The following LRMDA variants were observed in gnomAD, a reference collection of about 807,000 sequenced individuals.
The protein encoded by LRMDA is leucine rich melanocyte differentiation associated, also known as leucine-rich melanocyte differentiation-associated protein.
A neutral mutation model predicts 29.8 loss-of-function variants in LRMDA; 18 were observed. The observed-to-expected ratio is 0.60, with a 90% confidence interval of 0.42 to 0.90. LRMDA has a LOEUF of 0.90. Ranked by LOEUF, LRMDA falls within the 40% of genes least tolerant of loss-of-function variation. LRMDA has a pLI of 0.00. For missense variants in LRMDA, 273 were observed against 273.9 expected (o/e 1.00, Z 0.02); for synonymous variants, 125 against 109.4 (o/e 1.14, Z -0.89).
chr10:76,154,151 G>C (rs1177599058), intron 5 of LRMDA, among the ~76,000 whole-genome samples: 2 of 152,070 alleles, frequency 1.3e-5, no homozygotes, highest in Admixed American at 1.3e-4. Context: ...TTGATCATTG[G>C]ATTTGGCCAT....
At chr10:75,678,919 A>G (rs1841992482) in intron 2 of LRMDA, among the ~76,000 whole-genome samples, 1 of 152,184 alleles carries the variant, frequency 6.6e-6, no homozygotes, top group Non-Finnish European at 1.5e-5. Context: ...ACTGGAAATT[A>G]AACGGGCAGG....
chr10:75,511,737 C>A (rs1050390968), intron 2 of LRMDA, among the ~76,000 whole-genome samples: 1 of 152,230 alleles, frequency 6.6e-6, no homozygotes, highest in Non-Finnish European at 1.5e-5. Context: ...GCTCAAGACA[C>A]TTGGACTGTT....
intron 2 of LRMDA, among the ~76,000 whole-genome samples, chr10:75,732,252 G>A (rs74433057): frequency 0.012 from 1,804 of 152,204 alleles, 21 homozygotes; most frequent in African/African-American, 0.041. Flanking sequence ...TAACGACTGG[G>A]TATGCTTACA....
intron 2 of LRMDA, among the ~76,000 whole-genome samples, chr10:75,628,779 G>C (rs536867598): frequency 6.6e-6 from 1 of 152,174 alleles, no homozygotes; most frequent in Admixed American, 6.5e-5. Context: ...TAGAACTGCT[G>C]TGTCTCCTCA....
At chr10:76,283,212 A>G (rs1185796210) in intron 5 of LRMDA, among the ~76,000 whole-genome samples, 1 of 152,192 alleles carries the variant, frequency 6.6e-6, no homozygotes, top group East Asian at 1.9e-4. Flanking sequence ...TTGATTATCT[A>G]CTGTGGCCAC....
chr10:75,743,435 T>G (rs1315600640), intron 2 of LRMDA: 1 of 152,280 alleles, frequency 6.6e-6, no homozygotes, highest in Non-Finnish European at 1.5e-5. Flanking sequence ...TTTCGTCTGG[T>G]AACTCCTAAG....
At chr10:76,315,145 C>T (rs1220380982) in intron 5 of LRMDA, among the ~76,000 whole-genome samples, 4 of 152,240 alleles carry the variant, frequency 2.6e-5, no homozygotes, top group Non-Finnish European at 5.9e-5. Flanking sequence ...TATAACCTCT[C>T]TCTAAATCTC....
At chr10:75,859,762 A>G (rs1465636781) in intron 2 of LRMDA, among the ~76,000 whole-genome samples, 2 of 152,146 alleles carry the variant, frequency 1.3e-5, no homozygotes, top group Non-Finnish European at 2.9e-5. Context: ...TGTCAAATAA[A>G]CAGGTCTTCT....
intron 2 of LRMDA, among the ~76,000 whole-genome samples, chr10:75,659,817 CT>C (rs978362389): frequency 5.3e-5 from 8 of 152,210 alleles, no homozygotes; most frequent in African/African-American, 1.4e-4. Flanking sequence ...TAATCTGTCA[CT>C]TCCTTTCTTT....
intron 2 of LRMDA, among the ~76,000 whole-genome samples, chr10:75,692,209 A>G (rs557876163): frequency 0.033 from 1,259 of 37,632 alleles, 8 homozygotes; most frequent in South Asian, 0.043. Context: ...CTCTGGGGGG[A>G]AAAAAAAAAA....
chr10:76,113,096 G>A (rs1346651276), intron 5 of LRMDA, among the ~76,000 whole-genome samples: 3 of 152,276 alleles, frequency 2.0e-5, no homozygotes, highest in African/African-American at 7.2e-5. Context: ...GCATCAGTGG[G>A]GAGAGGAGTG....
At chr10:75,529,454 A>G (rs548355035) in intron 2 of LRMDA, among the ~76,000 whole-genome samples, 33 of 152,320 alleles carry the variant, frequency 2.2e-4, no homozygotes, top group Admixed American at 5.2e-4. Context: ...CTACTGGAGG[A>G]GGAGTTCAGT....
intron 6 of LRMDA, among the ~76,000 whole-genome samples, chr10:76,426,233 T>C (rs1201242183): frequency 1.3e-5 from 2 of 152,212 alleles, no homozygotes. Flanking sequence ...TTTAAAGTGT[T>C]CCTATTTCTC....
chr10:76,007,234 C>G (rs1394403279), intron 2 of LRMDA, among the ~76,000 whole-genome samples: 2 of 152,000 alleles, frequency 1.3e-5, no homozygotes, highest in Non-Finnish European at 2.9e-5. Flanking sequence ...CATTCACCCG[C>G]CTCCTTGTCA....
chr10:76,243,882 T>C (rs955818009), intron 5 of LRMDA, among the ~76,000 whole-genome samples: 7 of 152,128 alleles, frequency 4.6e-5, no homozygotes, highest in African/African-American at 1.7e-4. Flanking sequence ...AAATGAGTTG[T>C]TGAAGATGTA....
At chr10:75,945,153 G>C (rs535803326) in intron 2 of LRMDA, among the ~76,000 whole-genome samples, 36 of 152,256 alleles carry the variant, frequency 2.4e-4, no homozygotes, top group Admixed American at 2.1e-3. Context: ...TTTTTAAAAA[G>C]CATGCTGAGA....
intron 2 of LRMDA, among the ~76,000 whole-genome samples, chr10:75,876,906 A>G (rs1208586113): frequency 6.6e-6 from 1 of 152,106 alleles, no homozygotes; most frequent in African/African-American, 2.4e-5. Flanking sequence ...CCCCACCCCC[A>G]GGATTTCTCA....
intron 5 of LRMDA, among the ~76,000 whole-genome samples, chr10:76,087,198 G>A (rs1022457159): frequency 6.6e-6 from 1 of 152,138 alleles, no homozygotes; most frequent in Non-Finnish European, 1.5e-5. Flanking sequence ...TCTCGTTGTA[G>A]CAGGGAAAAC....
intron 2 of LRMDA, among the ~76,000 whole-genome samples, chr10:75,746,523 G>T (rs913248950): frequency 6.6e-6 from 1 of 152,144 alleles, no homozygotes; most frequent in Non-Finnish European, 1.5e-5. Flanking sequence ...GCCTTGTAGC[G>T]TGGGTGTCCC....
Sources: gnomAD v4.1 joint callset for allele counts (sites outside exome capture counted in the v4.1 genomes callset) on GRCh38, gnomAD v4.1.1 for gene constraint, MANE v1.5 for transcripts, NCBI Gene and HGNC (gene_info 2026-07-23, HGNC 2026-07-21) for gene names.